The following NPAS2 variants were observed in gnomAD, a reference collection of about 807,000 sequenced individuals.
NPAS2 encodes the protein neuronal PAS domain protein 2.
Under a neutral mutation model 107.5 loss-of-function variants are expected in NPAS2, and 23 were observed. That is an observed-to-expected ratio of 0.21 (90% CI 0.15 to 0.30). The LOEUF is 0.30. Among genes scored for constraint, NPAS2 ranks in the 10% least tolerant of loss-of-function variants. NPAS2 has a pLI of 1.00. For synonymous variants in NPAS2, 403 were observed against 417.5 expected (o/e 0.97, Z 0.42); for missense variants, 756 against 1,043.3 (o/e 0.72, Z 3.79).
intron 1 of NPAS2, among the ~76,000 whole-genome samples, chr2:100,882,119 T>A (rs191009229): frequency 2.0e-5 from 3 of 152,168 alleles, no homozygotes; most frequent in African/African-American, 7.2e-5. Flanking sequence ...TAATTATAGA[T>A]TCAAAGGAAG....
At chr2:100,924,858 A>G (rs1021330109) in intron 2 of NPAS2, among the ~76,000 whole-genome samples, 1 of 152,180 alleles carries the variant, frequency 6.6e-6, no homozygotes, top group African/African-American at 2.4e-5. Flanking sequence ...TGAAAGCTCT[A>G]TGAGATCCGA....
intron 1 of NPAS2, among the ~76,000 whole-genome samples, chr2:100,861,615 G>A (rs894516606): frequency 6.6e-6 from 1 of 152,168 alleles, no homozygotes; most frequent in Non-Finnish European, 1.5e-5. Context: ...ACACAGGAAG[G>A]AGGCCTGGGC....
chr2:100,844,048 A>G (rs1399781423), intron 1 of NPAS2, among the ~76,000 whole-genome samples: 4 of 152,232 alleles, frequency 2.6e-5, no homozygotes. Context: ...CGGGCTGCCC[A>G]TAGTACACAG....
intron 1 of NPAS2, among the ~76,000 whole-genome samples, chr2:100,867,154 G>C (rs575409822): frequency 6.2e-4 from 94 of 152,302 alleles, no homozygotes; most frequent in Middle Eastern, 3.4e-3. Context: ...TGCTTGAAGA[G>C]AATGTTTATT....
chr2:100,896,402 T>C (rs969490213), intron 1 of NPAS2, among the ~76,000 whole-genome samples: 1 of 152,222 alleles, frequency 6.6e-6, no homozygotes, highest in African/African-American at 2.4e-5. Flanking sequence ...TCCCCAAGCC[T>C]GTGTCTGTGG....
intron 1 of NPAS2, among the ~76,000 whole-genome samples, chr2:100,847,957 G>A (rs1677888634): frequency 6.6e-6 from 1 of 152,186 alleles, no homozygotes; most frequent in Non-Finnish European, 1.5e-5. Flanking sequence ...TAAAGACACT[G>A]TGAATATATG....
In NPAS2 at chr2:100,982,580, G is replaced by C. The variant is rs996945958; in HGVS notation, c.1629+203G>C. ...ATCCCTGCCTCCAGGCCACACCCCT[G>C]ATGTCCTCTTCCCTCGCCCCTCACT... On this transcript the variant is annotated intron_variant, in intron 16 of 20. Coordinates refer to ENST00000335681, the MANE Select transcript of NPAS2 (RefSeq NM_002518.4). The C allele has an allele frequency of 8.2e-6, 5 of 610,790 alleles. No homozygotes were observed. The South Asian group carries it at 1.0e-4, about 12-fold the overall frequency. The allele number at this position is 610,790 out of a possible 1,614,324, so 37.8% of individuals were successfully genotyped here. A position where few individuals can be genotyped will look rare whatever the true frequency, so the allele number is the denominator to read the frequency against.
rs987342082 is a variant in NPAS2 at position 100,976,298 on chromosome 2, C to T, written c.1392+731C>T. 1.3e-5 allele frequency among the ~76,000 whole-genome samples: 2 copies of T among 152,006 alleles called. No individual in the cohort carries two copies. Among genetic ancestry groups the T allele is most frequent in the African/African-American group, 2.4e-5 (1 of 41,360 alleles). ...AGGGCTGGGCTCAGCTGAGGCCATC[C>T]GTCATTGACTTGCATGGGCCTCTCA... On this transcript the variant is annotated intron_variant, in intron 14 of 20. Transcript: ENST00000335681. The surrounding 1 kb of genome is among the most constrained non-coding windows in gnomAD (Gnocchi z 4.1).
At chr2:100,828,348 A>C (rs1676517143) in intron 1 of NPAS2, among the ~76,000 whole-genome samples, 1 of 151,986 alleles carries the variant, frequency 6.6e-6, no homozygotes, top group African/African-American at 2.4e-5. Flanking sequence ...TCTCCCATTT[A>C]TGTAGGTTGT....
intron 5 of NPAS2, among the ~76,000 whole-genome samples, chr2:100,945,434 T>G (rs1199497039): frequency 6.6e-6 from 1 of 152,216 alleles, no homozygotes; most frequent in African/African-American, 2.4e-5. Flanking sequence ...TCTCCACTCC[T>G]TCCCCTGTCT....
In NPAS2 at chr2:100,945,676, C is replaced by T. The variant is rs140863483; in HGVS notation, c.364-2559C>T. 1.4e-3 allele frequency among the ~76,000 whole-genome samples: 218 copies of T among 152,274 alleles called. 2 individuals carry two copies. Among genetic ancestry groups the T allele is most frequent in the African/African-American group, 5.1e-3 (213 of 41,568 alleles). On this transcript the variant is annotated intron_variant, in intron 5 of 20. Coordinates refer to ENST00000335681, the MANE Select transcript of NPAS2 (RefSeq NM_002518.4). ...GGCTTCTCGCCCTCCCTGTTGTTCC[C>T]ACCTTCCTGCAGTGCTGTCAGGGTA...
intron 1 of NPAS2, among the ~76,000 whole-genome samples, chr2:100,888,425 G>A (rs1680847673): frequency 3.9e-5 from 6 of 152,090 alleles, no homozygotes; most frequent in Admixed American, 3.9e-4. Context: ...TGTTGGAGAG[G>A]GGGACAATGT....
intron 1 of NPAS2, among the ~76,000 whole-genome samples, chr2:100,829,183 G>GT (rs1423251674): frequency 9.1e-5 from 11 of 121,172 alleles, no homozygotes; most frequent in African/African-American, 4.9e-4. Context: ...TGTGTGTTTT[G>GT]TTGTTTTTTT....
chr2:100,903,039 G>T (rs1681886632), intron 1 of NPAS2, among the ~76,000 whole-genome samples: 1 of 152,232 alleles, frequency 6.6e-6, no homozygotes, highest in African/African-American at 2.4e-5. Flanking sequence ...GTCATTTTTA[G>T]ATGTTTAGTT....
At chr2:100,977,615 T>C in intron 14 of NPAS2, 95 bp from the exon 15 acceptor site, 1 of 1,025,096 alleles carries the variant, frequency 9.8e-7, no homozygotes, top group Non-Finnish European at 1.5e-6. Flanking sequence ...TTCACCCCAG[T>C]GCGGAACGCA....
At chr2:100,949,538 T>C (rs1042558954) in intron 7 of NPAS2, 58 bp downstream of exon 7, 3 of 1,008,784 alleles carry the variant, frequency 3.0e-6, no homozygotes, top group Non-Finnish European at 4.7e-6. Context: ...AACGTGCACA[T>C]GGGGGCATTA....
At chr2:100,920,699 G>T (rs752227255) in intron 2 of NPAS2, among the ~76,000 whole-genome samples, 43 of 152,226 alleles carry the variant, frequency 2.8e-4, no homozygotes, top group Non-Finnish European at 4.3e-4. Context: ...CAAGGGAGGT[G>T]AATGGAAAAA....
At chr2:100,972,733 T>C (rs79473880) in intron 12 of NPAS2, 7,330 of 152,316 alleles carry the variant, frequency 0.048, 219 homozygotes, top group Non-Finnish European at 0.069. Flanking sequence ...CAGCTGCTAA[T>C]AGGCAGATGT....
intron 1 of NPAS2, among the ~76,000 whole-genome samples, chr2:100,825,367 A>G (rs945093424): frequency 6.6e-6 from 1 of 152,222 alleles, no homozygotes; most frequent in Non-Finnish European, 1.5e-5. Context: ...CAATTTCAAG[A>G]TATATTTTCC....
Sources: allele counts gnomAD v4.1 joint callset (sites outside exome capture counted in the v4.1 genomes callset), GRCh38; gene constraint gnomAD v4.1.1; non-coding constraint Gnocchi (gnomAD v3.1); transcripts MANE v1.5; gene names NCBI Gene and HGNC (gene_info 2026-07-23, HGNC 2026-07-21).